Variants in NACC2 observed in about 807,000 individuals in gnomAD.
NACC2 encodes the protein nucleus accumbens-associated protein 2.
NACC2 carries 8 observed loss-of-function variants against 25.1 expected under a neutral mutation model. That is an observed-to-expected ratio of 0.32 (90% CI 0.19 to 0.57). The LOEUF (loss-of-function observed/expected upper bound fraction) is 0.57. Ranked by LOEUF, NACC2 falls within the 20% of genes least tolerant of loss-of-function variation. NACC2 has a pLI of 0.89. For synonymous variants in NACC2, 435 were observed against 294.7 expected, an observed-to-expected ratio of 1.48 and a Z score of -4.88; for missense variants, 644 against 650.2, an observed-to-expected ratio of 0.99 and a Z score of 0.10.
chr9:136,033,894 G>GA (rs1244809896), intron 2 of NACC2, among the ~76,000 whole-genome samples: 24 of 137,030 alleles, frequency 1.8e-4, no homozygotes, highest in Admixed American at 9.8e-4. Flanking sequence ...AATTCCAGCA[G>GA]GTGTGTGTGT....
rs910778291 is a variant in NACC2 at position 136,095,265 on chromosome 9, G to T, written c.-136C>A. 6.8e-6 allele frequency: 1 copy of T among 147,418 alleles called. No individual in the cohort carries two copies. The highest frequency in any genetic ancestry group is 1.5e-5 in the Non-Finnish European group (1 of 66,180). The allele number at this position is 147,418 out of a possible 1,614,324, so 9.1% of individuals were successfully genotyped here. A position where few individuals can be genotyped will look rare whatever the true frequency, so the allele number is the denominator to read the frequency against. On this transcript the variant is annotated 5_prime_UTR_variant, in exon 1 of 6. Transcript: ENST00000277554. Reference sequence around the variant, plus strand: ...GGCAGGAAGTGCTTGGCGTCCCGGCGCTCCGGCTCCCATGGACTTTCTCCG... The same window carrying T: ...GGCAGGAAGTGCTTGGCGTCCCGGCTCTCCGGCTCCCATGGACTTTCTCCG...
At position 136,055,915 on chromosome 9, in the gene NACC2, C is replaced by T. The variant is rs1487185800; in HGVS notation, c.-59-5335G>A. ...TGAGAAGGTGTGGGGATGGGGCGGG[C>T]CTGCTGTGCCAGGTGCTCTGGAGTC... On this transcript the variant is annotated intron_variant, in intron 1 of 5. Transcript: ENST00000277554. This position sits in a 1 kb window ranked among gnomAD's most constrained non-coding sequence, Gnocchi z 4.9. 1.3e-5 allele frequency among the ~76,000 whole-genome samples: 2 copies of T among 152,144 alleles called. No homozygotes were observed. Among genetic ancestry groups the T allele is most frequent in the Non-Finnish European group, 2.9e-5 (2 of 68,016 alleles).
chr9:136,029,645 T>C (rs1217577014), intron 2 of NACC2, among the ~76,000 whole-genome samples: 1 of 152,212 alleles, frequency 6.6e-6, no homozygotes, highest in African/African-American at 2.4e-5. Flanking sequence ...CTGCAGTTCC[T>C]GGCATCTCCA....
intron 1 of NACC2, among the ~76,000 whole-genome samples, chr9:136,085,458 G>A (rs1186687327): frequency 1.4e-5 from 2 of 147,734 alleles, no homozygotes; most frequent in Non-Finnish European, 3.0e-5. Flanking sequence ...TTGAGGCTGC[G>A]ATTGCACCAC....
intron 1 of NACC2, among the ~76,000 whole-genome samples, chr9:136,062,461 T>G (rs1473820167): frequency 6.6e-6 from 1 of 152,180 alleles, no homozygotes. Flanking sequence ...TTTTAGACCT[T>G]GTCTAGCAAG....
chr9:136,094,267 A>T (rs887038749), intron 1 of NACC2, among the ~76,000 whole-genome samples: 2 of 152,250 alleles, frequency 1.3e-5, no homozygotes, highest in African/African-American at 2.4e-5. Flanking sequence ...AGGGAGTGGA[A>T]CGGCCTGGGA....
intron 1 of NACC2, among the ~76,000 whole-genome samples, chr9:136,085,517 T>C (rs1334045071): frequency 6.7e-6 from 1 of 149,240 alleles, no homozygotes; most frequent in Non-Finnish European, 1.5e-5. Context: ...AAAAAAAAAG[T>C]TTTTAATTAA....
In NACC2 at chr9:136,049,750, C is replaced by T; in HGVS notation, c.772G>A (p.Asp258Asn). The change falls in exon 2 of 6, where the codon GAC (aspartate) becomes AAC (asparagine). Residue 258 changes from aspartate (D) to asparagine (N), a missense_variant. Asp to Asn is a conservative substitution (Grantham distance 23). Coordinates refer to ENST00000277554, the MANE Select transcript of NACC2 (RefSeq NM_144653.5). ...SPGASSLPTT[D>N]SPTSYHNEED... Reference sequence around the variant, plus strand: ...TCGTTGTGGTACGAGGTGGGGCTGTCGGTGGTGGGCAGGCTGCTGGCGCCT... The same window carrying T: ...TCGTTGTGGTACGAGGTGGGGCTGTTGGTGGTGGGCAGGCTGCTGGCGCCT... 3 of 778,122 alleles carry T rather than the reference C, an allele frequency of 3.9e-6. No individual in the cohort carries two copies. The highest frequency in any genetic ancestry group is 7.2e-6 in the Non-Finnish European group (3 of 417,200). 48.2% of individuals were successfully genotyped at this position (778,122 alleles called of 1,614,324 possible).
intron 1 of NACC2, among the ~76,000 whole-genome samples, chr9:136,077,222 T>C (rs1490179004): frequency 6.6e-6 from 1 of 151,794 alleles, no homozygotes; most frequent in African/African-American, 2.4e-5. Flanking sequence ...TCCCAGCCAC[T>C]TGGGAGGCTG....
intron 1 of NACC2, among the ~76,000 whole-genome samples, chr9:136,089,388 C>T (rs7868482): frequency 0.014 from 2,139 of 152,144 alleles, 40 homozygotes; most frequent in African/African-American, 0.048. Flanking sequence ...CTAGCACCCG[C>T]GAAGGCCTGA....
intron 2 of NACC2, among the ~76,000 whole-genome samples, chr9:136,039,982 C>T (rs1047034464): frequency 4.6e-5 from 7 of 152,088 alleles, no homozygotes; most frequent in Admixed American, 6.6e-5. Context: ...AAGGAATTTA[C>T]GGAAAGCTAT....
At chr9:136,024,451 G>GT (rs1451752357) in intron 2 of NACC2, among the ~76,000 whole-genome samples, 1 of 118,998 alleles carries the variant, frequency 8.4e-6, no homozygotes, top group Admixed American at 8.7e-5. Context: ...GAGGACAGAG[G>GT]GTATGTGTGA....
intron 2 of NACC2, among the ~76,000 whole-genome samples, 161 bp from the exon 3 acceptor site, chr9:136,016,590 G>A (rs892357185): frequency 1.3e-5 from 2 of 152,156 alleles, no homozygotes; most frequent in African/African-American, 4.8e-5. Flanking sequence ...GCTGGCCTGG[G>A]TCAGACTGGC....
intron 1 of NACC2, among the ~76,000 whole-genome samples, chr9:136,057,427 G>GCC (rs1250711345): frequency 6.6e-6 from 1 of 152,148 alleles, no homozygotes; most frequent in Non-Finnish European, 1.5e-5. Context: ...CCGCCCTATG[G>GCC]CCCCACCCCA....
rs1210917262 is a variant in NACC2 at position 136,055,032 on chromosome 9, A to G, written c.-59-4452T>C. On this transcript the variant is annotated intron_variant, in intron 1 of 5. Coordinates refer to ENST00000277554, the MANE Select transcript of NACC2 (RefSeq NM_144653.5). This position sits in a 1 kb window ranked among gnomAD's most constrained non-coding sequence, Gnocchi z 4.9. ...CTGAGCCCACAAGCCACCCTCAGGA[A>G]TAAGAAAATACAGGTGGCTGTGGTG... is the stretch of plus-strand genomic sequence containing the variant. 6.6e-6 allele frequency among the ~76,000 whole-genome samples: 1 copy of G among 152,110 alleles called. No homozygotes were observed. Among genetic ancestry groups the G allele is most frequent in the African/African-American group, 2.4e-5 (1 of 41,432 alleles).
chr9:136,049,569 C>T (rs1396767720), intron 2 of NACC2, 67 bp downstream of exon 2: 9 of 706,722 alleles, frequency 1.3e-5, no homozygotes, highest in Non-Finnish European at 1.8e-5. Context: ...GCCTCCTGAG[C>T]CACCCGGGTC....
chr9:136,089,087 C>T (rs900571902), intron 1 of NACC2, among the ~76,000 whole-genome samples: 14 of 152,220 alleles, frequency 9.2e-5, no homozygotes, highest in African/African-American at 3.4e-4. Context: ...GTTGCAGCCC[C>T]GCTGCCAACC....
chr9:136,068,770 C>A (rs1457614611), intron 1 of NACC2, among the ~76,000 whole-genome samples: 1 of 151,508 alleles, frequency 6.6e-6, no homozygotes, highest in African/African-American at 2.4e-5. Context: ...TTTTAAAAAT[C>A]GAGTGGCTCA....
chr9:136,078,017 C>T (rs1221333453), intron 1 of NACC2, among the ~76,000 whole-genome samples: 1 of 152,174 alleles, frequency 6.6e-6, no homozygotes, highest in Non-Finnish European at 1.5e-5. Context: ...CGTGATCCAC[C>T]CGCCTCGGCC....
Sources: allele counts gnomAD v4.1 joint callset (sites outside exome capture counted in the v4.1 genomes callset), GRCh38; gene constraint gnomAD v4.1.1; non-coding constraint Gnocchi (gnomAD v3.1); transcripts MANE v1.5; gene names NCBI Gene and HGNC (gene_info 2026-07-23, HGNC 2026-07-21).